Variants in MAP2K6 observed in about 807,000 individuals in gnomAD.
MAP2K6 encodes the protein mitogen-activated protein kinase kinase 6.
A neutral mutation model predicts 53.7 loss-of-function variants in MAP2K6; 16 were observed. That is an observed-to-expected ratio of 0.30 (90% CI 0.20 to 0.45). The LOEUF is 0.45. MAP2K6 is among the 20% of genes least tolerant of loss of function. The pLI is 1.00. For missense variants in MAP2K6, 204 were observed against 411.9 expected (o/e 0.50, Z 4.37); for synonymous variants, 132 against 143.1 (o/e 0.92, Z 0.55).
chr17:69,511,893 C>T (rs372766012), intron 2 of MAP2K6, among the ~76,000 whole-genome samples: 116 of 152,280 alleles, frequency 7.6e-4, no homozygotes, highest in African/African-American at 2.4e-3. Context: ...ACAGGAGAAG[C>T]GCTTGAACCC....
At chr17:69,417,460 G>C (rs1905942222) in intron 1 of MAP2K6, among the ~76,000 whole-genome samples, 1 of 152,162 alleles carries the variant, frequency 6.6e-6, no homozygotes, top group East Asian at 1.9e-4. Flanking sequence ...AAGCTGGAAG[G>C]ACTGGGTTAC....
rs1156306255 is a variant in MAP2K6 at position 69,551,881 on chromosome 17, A to G, written c.*10128A>G. 2.0e-5 allele frequency: 3 copies of G among 152,242 alleles called. No individual in the cohort carries two copies. Among genetic ancestry groups the G allele is most frequent in the Non-Finnish European group, 4.4e-5 (3 of 68,034 alleles). The allele number at this position is 152,242 out of a possible 1,614,324, so 9.4% of individuals were successfully genotyped here. A position where few individuals can be genotyped will look rare whatever the true frequency, so the allele number is the denominator to read the frequency against. ...ATGTAGTTTCACATTATTTAAATAC[A>G]TGAACAGTTTTCTATATATTTTGTG... On this transcript the variant is annotated 3_prime_UTR_variant, in exon 12 of 12. Coordinates refer to ENST00000590474, the MANE Select transcript of MAP2K6 (RefSeq NM_002758.4).
In MAP2K6 at chr17:69,552,890, T is replaced by C. The variant is rs1337795679; in HGVS notation, c.*11137T>C. 6.6e-6 allele frequency: 1 copy of C among 152,196 alleles called. No homozygotes were observed. The highest frequency in any genetic ancestry group is 1.5e-5 in the Non-Finnish European group (1 of 68,024). The allele number at this position is 152,196 out of a possible 1,614,324, so 9.4% of individuals were successfully genotyped here. Reference sequence around the variant, plus strand: ...AACTATTGTTTATCATTATTAATGATGTTATCTCCAAATCCCAAAGCCAAG... The same window carrying C: ...AACTATTGTTTATCATTATTAATGACGTTATCTCCAAATCCCAAAGCCAAG... On this transcript the variant is annotated 3_prime_UTR_variant, in exon 12 of 12. Coordinates refer to ENST00000590474, the MANE Select transcript of MAP2K6 (RefSeq NM_002758.4).
Position 69,494,873 on chromosome 17 carries a change from C to T in MAP2K6, c.17-10907C>T, listed in dbSNP as rs1295978283. 1.3e-5 allele frequency among the ~76,000 whole-genome samples: 2 copies of T among 151,980 alleles called. No individual in the cohort carries two copies. Among genetic ancestry groups the T allele is most frequent in the Non-Finnish European group, 2.9e-5 (2 of 67,950 alleles). ...ATACAAAATTAGCCGGGCATGGTGG[C>T]GCACTTCTGTAATCCCAGCTACTCG... is the stretch of plus-strand genomic sequence containing the variant. On this transcript the variant is annotated intron_variant, in intron 1 of 11. Transcript: ENST00000590474. This position sits in a 1 kb window ranked among gnomAD's most constrained non-coding sequence, Gnocchi z 4.2.
chr17:69,541,315 A>G (rs1911617340), intron 11 of MAP2K6, among the ~76,000 whole-genome samples: 1 of 152,184 alleles, frequency 6.6e-6, no homozygotes, highest in African/African-American at 2.4e-5. Context: ...TTACTACTAT[A>G]TTAGCCTAAA....
intron 1 of MAP2K6, among the ~76,000 whole-genome samples, chr17:69,480,243 G>A (rs1050096802): frequency 3.9e-5 from 6 of 151,942 alleles, no homozygotes; most frequent in African/African-American, 1.2e-4. Context: ...TTTAACTTTC[G>A]TTCCCCAGCA....
intron 1 of MAP2K6, among the ~76,000 whole-genome samples, chr17:69,439,936 G>A (rs972729783): frequency 1.3e-5 from 2 of 152,150 alleles, no homozygotes; most frequent in African/African-American, 2.4e-5. Flanking sequence ...ATAGTTTTAC[G>A]AAGTTGCTAC....
intron 1 of MAP2K6, among the ~76,000 whole-genome samples, chr17:69,451,996 T>C (rs1907245465): frequency 1.3e-5 from 2 of 152,180 alleles, no homozygotes; most frequent in Admixed American, 6.5e-5. Flanking sequence ...ATAGTCCATG[T>C]TGAAGATGAT....
At position 69,549,547 on chromosome 17, in the gene MAP2K6, C is replaced by T. The variant is rs554495837; in HGVS notation, c.*7794C>T. On this transcript the variant is annotated 3_prime_UTR_variant, in exon 12 of 12. Coordinates refer to ENST00000590474, the MANE Select transcript of MAP2K6 (RefSeq NM_002758.4). ...AACTGATCTGGCCATTTTCATATAA[C>T]AAAAATCAAAGTCAACAATTTTGTA... 2.0e-5 allele frequency: 3 copies of T among 152,218 alleles called. No homozygotes were observed. The highest frequency in any genetic ancestry group is 7.2e-5 in the African/African-American group (3 of 41,536). The allele number at this position is 152,218 out of a possible 1,614,324, so 9.4% of individuals were successfully genotyped here.
At chr17:69,534,719 A>G (rs1466964865) in intron 10 of MAP2K6, among the ~76,000 whole-genome samples, 2 of 152,110 alleles carry the variant, frequency 1.3e-5, no homozygotes, top group Non-Finnish European at 2.9e-5. Flanking sequence ...CATTTGCTCA[A>G]AATGATCCCT....
At chr17:69,428,857 TGTTTTTG>T (rs1906355467) in intron 1 of MAP2K6, among the ~76,000 whole-genome samples, 29 of 117,046 alleles carry the variant, frequency 2.5e-4, no homozygotes, top group African/African-American at 6.0e-4. Context: ...CTTCTGTTTT[TGTTTTTG>T]TTTTTTTTTT....
At chr17:69,463,062 T>C (rs1027353875) in intron 1 of MAP2K6, among the ~76,000 whole-genome samples, 1 of 151,322 alleles carries the variant, frequency 6.6e-6, no homozygotes. Flanking sequence ...GGAGATGTAT[T>C]TGACACTGCT....
At chr17:69,540,620 A>G (rs1212076466) in intron 11 of MAP2K6, among the ~76,000 whole-genome samples, 3 of 152,190 alleles carry the variant, frequency 2.0e-5, no homozygotes, top group Non-Finnish European at 4.4e-5. Flanking sequence ...GGCCTCTTGA[A>G]TCACATACCA....
intron 1 of MAP2K6, chr17:69,435,256 G>A (rs928947129): frequency 4.6e-5 from 7 of 152,110 alleles, no homozygotes; most frequent in African/African-American, 9.7e-5. Context: ...TTGTAAATGC[G>A]GCCAGGCGCC....
rs1032194992 is a variant in MAP2K6, at chr17:69,494,452, C to T, written c.17-11328C>T. Among the ~76,000 whole-genome samples the T allele has an allele frequency of 6.0e-5, 9 of 151,040 alleles. No homozygotes were observed. Among genetic ancestry groups the T allele is most frequent in the Middle Eastern group, 3.4e-3 (1 of 290 alleles). On this transcript the variant is annotated intron_variant, in intron 1 of 11. Transcript: ENST00000590474. This position sits in a 1 kb window ranked among gnomAD's most constrained non-coding sequence, Gnocchi z 4.2. ...GGCAGAGGTTGCTGTGAGCCAAGGT[C>T]GTGCCACTGCACTCCAGCCTGGGTG...
intron 10 of MAP2K6, among the ~76,000 whole-genome samples, chr17:69,528,121 A>AAAAAAAT (rs1411714859): frequency 6.6e-6 from 1 of 151,640 alleles, no homozygotes. Context: ...AAAAAAAAAA[A>AAAAAAAT]AAAAAGCTGT....
chr17:69,487,996 G>A (rs527330585), intron 1 of MAP2K6, among the ~76,000 whole-genome samples: 1 of 152,100 alleles, frequency 6.6e-6, no homozygotes, highest in Non-Finnish European at 1.5e-5. Flanking sequence ...TATAGCAAAA[G>A]AAACTAACAC....
intron 1 of MAP2K6, among the ~76,000 whole-genome samples, chr17:69,503,386 G>A (rs988816324): frequency 6.6e-6 from 1 of 152,184 alleles, no homozygotes; most frequent in Non-Finnish European, 1.5e-5. Flanking sequence ...ACATAGGAAA[G>A]CTCTATGCGA....
At chr17:69,537,063 C>T (rs776590186) in intron 11 of MAP2K6, among the ~76,000 whole-genome samples, 84 of 151,840 alleles carry the variant, frequency 5.5e-4, no homozygotes, top group Non-Finnish European at 9.9e-4. Flanking sequence ...GCCTGGGCAA[C>T]AGAGTGAGAC....
Sources: allele counts gnomAD v4.1 joint callset (sites outside exome capture counted in the v4.1 genomes callset), GRCh38; gene constraint gnomAD v4.1.1; non-coding constraint Gnocchi (gnomAD v3.1); transcripts MANE v1.5; gene names NCBI Gene and HGNC (gene_info 2026-07-23, HGNC 2026-07-21).